CPXM2: variants seen among roughly 807,000 people sequenced by gnomAD.
The protein encoded by CPXM2 is carboxypeptidase X, M14 family member 2.
In CPXM2, 66 loss-of-function variants were observed where a neutral mutation model predicts 86.1. The observed-to-expected ratio is 0.77, with a 90% CI of 0.63 to 0.94. The LOEUF is 0.94. CPXM2 is among the 40% of genes least tolerant of loss of function. The probability of loss-of-function intolerance (pLI) is 0.00; values close to 1 mark genes in which losing one functional copy is unlikely to be tolerated. For missense variants in CPXM2, 948 were observed against 1,026.3 expected, an observed-to-expected ratio of 0.92 and a Z score of 1.04; for synonymous variants, 388 against 400.2, an observed-to-expected ratio of 0.97 and a Z score of 0.36.
chr10:123,862,771 G>T, intron 2 of CPXM2, 48 bp from the exon 3 acceptor site: 1 of 1,503,456 alleles, frequency 6.7e-7, no homozygotes, highest in Non-Finnish European at 9.2e-7. Flanking sequence ...TGCTGAAAGG[G>T]ATGAGTTTCT....
intron 2 of CPXM2, among the ~76,000 whole-genome samples, chr10:123,907,974 TGAAA>T (rs1476715238): frequency 2.7e-5 from 4 of 150,348 alleles, no homozygotes; most frequent in African/African-American, 7.4e-5. Flanking sequence ...AAGAAGGAAA[TGAAA>T]GAAGTGAGAA....
intron 2 of CPXM2, among the ~76,000 whole-genome samples, chr10:123,869,149 T>C (rs958413055): frequency 6.6e-6 from 1 of 152,262 alleles, no homozygotes; most frequent in Non-Finnish European, 1.5e-5. Context: ...TGTATTACAA[T>C]GTCAATTGAT....
intron 3 of CPXM2, among the ~76,000 whole-genome samples, chr10:123,848,525 T>C (rs1230495764): frequency 2.0e-5 from 3 of 152,182 alleles, no homozygotes; most frequent in African/African-American, 7.2e-5. Context: ...CCATAAACCA[T>C]TTATTAACTA....
At position 123,885,582 on chromosome 10, in the gene CPXM2, C is replaced by T. The variant is rs1025024658; in HGVS notation, c.305-5273G>A. Among the ~76,000 whole-genome samples the T allele has an allele frequency of 3.9e-5, 6 of 152,196 alleles. No individual in the cohort carries two copies. The highest frequency in any genetic ancestry group is 7.2e-5 in the African/African-American group (3 of 41,456). On this transcript the variant is annotated intron_variant, in intron 1 of 13. Coordinates refer to ENST00000241305, the MANE Select transcript of CPXM2 (RefSeq NM_198148.3). The surrounding 1 kb of genome is among the most constrained non-coding windows in gnomAD (Gnocchi z 4.0). ...ATGCTAACCATCCTATGATGCCCAA[C>T]GAGTAGCCAGCTGGCTGCCAGCCAG...
upstream of CPXM2, among the ~76,000 whole-genome samples, chr10:123,895,674 G>A (rs1297793710): frequency 6.6e-6 from 1 of 152,158 alleles, no homozygotes; most frequent in East Asian, 1.9e-4. Context: ...CCTCAGGAGG[G>A]GCTGTGAGTC....
rs1945170593 is a variant in CPXM2, at chr10:123,885,834, C to T, written c.304+5522G>A. 6.6e-6 allele frequency among the ~76,000 whole-genome samples: 1 copy of T among 152,330 alleles called. No homozygotes were observed. The highest frequency in any genetic ancestry group is 1.5e-5 in the Non-Finnish European group (1 of 68,030). ...GCTCCAGGGCCAGGCTGCCATTGTC[C>T]CCACACTAAAGGTGCCATGAGCTCT... On this transcript the variant is annotated intron_variant, in intron 1 of 13. Transcript: ENST00000241305. The surrounding 1 kb of genome is among the most constrained non-coding windows in gnomAD (Gnocchi z 4.0).
chr10:123,752,867 G>A (rs1399626519), intron 13 of CPXM2, among the ~76,000 whole-genome samples: 1 of 152,122 alleles, frequency 6.6e-6, no homozygotes, highest in Non-Finnish European at 1.5e-5. Flanking sequence ...ATACATTGAG[G>A]AACAAACCAA....
At chr10:123,898,029 G>A (rs1285502027) in intron 2 of CPXM2, among the ~76,000 whole-genome samples, 1 of 152,242 alleles carries the variant, frequency 6.6e-6, no homozygotes, top group African/African-American at 2.4e-5. Context: ...CACACCTGTA[G>A]TCTGCTGTCG....
At chr10:123,753,726 C>T (rs1015269185) in intron 13 of CPXM2, among the ~76,000 whole-genome samples, 1 of 152,114 alleles carries the variant, frequency 6.6e-6, no homozygotes, top group Non-Finnish European at 1.5e-5. Context: ...TTTATAAAAC[C>T]CTGGGTCTTA....
chr10:123,751,579 A>T (rs1846077518), intron 13 of CPXM2: 4 of 985,274 alleles, frequency 4.1e-6, no homozygotes, highest in African/African-American at 1.7e-5. Flanking sequence ...AAGGACAGGC[A>T]TGTGGAACGG....
chr10:123,781,493 A>AT (rs543356659), intron 6 of CPXM2, among the ~76,000 whole-genome samples: 277 of 152,224 alleles, frequency 1.8e-3, no homozygotes, highest in African/African-American at 6.4e-3. Context: ...AATGTGGTGC[A>AT]TTTTCTGCTC....
At chr10:123,854,476 A>G (rs1039416242) in intron 3 of CPXM2, among the ~76,000 whole-genome samples, 14 of 137,952 alleles carry the variant, frequency 1.0e-4, no homozygotes, top group African/African-American at 3.8e-4. Flanking sequence ...TATTTTATAT[A>G]TATTTGTTTT....
intron 7 of CPXM2, among the ~76,000 whole-genome samples, chr10:123,773,858 G>T (rs968032854): frequency 1.3e-5 from 2 of 152,184 alleles, no homozygotes; most frequent in African/African-American, 2.4e-5. Context: ...GAGACCAGGG[G>T]CCAAAGGAGG....
intron 11 of CPXM2, among the ~76,000 whole-genome samples, chr10:123,761,631 G>T (rs1174553633): frequency 6.6e-6 from 1 of 152,192 alleles, no homozygotes; most frequent in Non-Finnish European, 1.5e-5. Flanking sequence ...TGCTGGAGCA[G>T]ATCCCTTTGG....
chr10:123,906,885 C>T (rs945591321), intron 2 of CPXM2, among the ~76,000 whole-genome samples: 2 of 152,156 alleles, frequency 1.3e-5, no homozygotes, highest in East Asian at 1.9e-4. Context: ...TGCTGCTTTC[C>T]AGGTGGATGT....
intron 6 of CPXM2, among the ~76,000 whole-genome samples, chr10:123,785,879 C>T (rs12764549): frequency 0.22 from 34,108 of 151,926 alleles, 4,078 homozygotes; most frequent in Non-Finnish European, 0.25. Context: ...GTGATCTGCC[C>T]GCCTCAGCCT....
rs116653785 is a variant in CPXM2, at chr10:123,780,595, G to A, written c.890-340C>T. On this transcript the variant is annotated intron_variant, in intron 6 of 13. Transcript: ENST00000241305. Reference sequence around the variant, plus strand: ...TACCTCCCTCAATGGTTTATTTTTAGCATAAATGGGACAAATCTATGCACC... The same window carrying A: ...TACCTCCCTCAATGGTTTATTTTTAACATAAATGGGACAAATCTATGCACC... Among the ~76,000 whole-genome samples, 282 of 152,236 alleles carry A rather than the reference G, an allele frequency of 1.9e-3. 1 individual carries two copies. The highest frequency in any genetic ancestry group is 6.2e-3 in the African/African-American group (259 of 41,530).
At chr10:123,793,462 CAAAAAAA>C (rs34757620) in intron 6 of CPXM2, among the ~76,000 whole-genome samples, 1 of 59,214 alleles carries the variant, frequency 1.7e-5, no homozygotes, top group Non-Finnish European at 3.4e-5. Context: ...GACTCCGTCT[CAAAAAAA>C]AAAAAAAAAA....
intron 6 of CPXM2, among the ~76,000 whole-genome samples, chr10:123,787,247 A>G (rs543889689): frequency 1.3e-5 from 2 of 152,334 alleles, no homozygotes; most frequent in Admixed American, 1.3e-4. Context: ...GAGAAGATCT[A>G]GGAAAGGTGG....
Sources: gnomAD v4.1 joint callset for allele counts (sites outside exome capture counted in the v4.1 genomes callset) on GRCh38, gnomAD v4.1.1 for gene constraint, Gnocchi (gnomAD v3.1) non-coding constraint, MANE v1.5 for transcripts, NCBI Gene and HGNC (gene_info 2026-07-23, HGNC 2026-07-21) for gene names.